UNC45A: variants seen among roughly 807,000 people sequenced by gnomAD.
The protein encoded by UNC45A is protein unc-45 homolog A.
UNC45A carries 78 observed loss-of-function variants against 103.2 expected under a neutral mutation model. The ratio of observed to expected loss-of-function variants is 0.76; its 90% CI spans 0.63 to 0.91. The LOEUF is 0.91. UNC45A is among the 40% of genes least tolerant of loss of function. The pLI is 0.00. For synonymous variants in UNC45A, 495 were observed against 504.6 expected, an observed-to-expected ratio of 0.98 and a Z score of 0.25; for missense variants, 1,193 against 1,224.8, an observed-to-expected ratio of 0.97 and a Z score of 0.39.
At chr15:90,932,621 G>A (rs186049463), upstream of UNC45A, 11 of 897,120 alleles carry the variant, frequency 1.2e-5, no homozygotes, top group East Asian at 3.3e-4. Flanking sequence ...GGGAGGCCCG[G>A]GGATCGTGGA....
At position 90,949,452 on chromosome 15, in the gene UNC45A, G is replaced by T. The variant is rs748517690; in HGVS notation, c.2006+9G>T. The T allele has an allele frequency of 3.1e-6, 5 of 1,613,334 alleles. No homozygotes were observed. The highest frequency in any genetic ancestry group is 4.2e-6 in the Non-Finnish European group (5 of 1,179,830). The stretch of plus-strand genomic sequence containing the variant: ...AGAGAGCTGCTCTCCAGGTGAGCCA[G>T]CCTTGGTAGGAGCCAACCTTTCCCA... On this transcript the variant is annotated intron_variant, in intron 14 of 19. Coordinates refer to ENST00000418476, the MANE Select transcript of UNC45A (RefSeq NM_018671.5).
In UNC45A at chr15:90,935,383, C is replaced by A. The variant is rs926576115; in HGVS notation, c.51+8C>A. On this transcript the variant is annotated splice_region_variant and intron_variant, in intron 1 of 19. Coordinates refer to ENST00000418476, the MANE Select transcript of UNC45A (RefSeq NM_018671.5). ...CGGCCGGCCACCCCCGGGGTGCGTA[C>A]CCAACCCCCGCGCCATCACCCCTTC... The A allele has an allele frequency of 1.0e-5, 16 of 1,590,912 alleles. No individual in the cohort carries two copies. The highest frequency in any genetic ancestry group is 1.4e-5 in the Non-Finnish European group (16 of 1,168,556).
chr15:90,932,429 C>A, upstream of UNC45A: 1 of 1,353,044 alleles, frequency 7.4e-7, no homozygotes, highest in East Asian at 2.9e-5. Flanking sequence ...ACGCGCCCAC[C>A]GATGGGGTGG....
intron 14 of UNC45A, 30 bp from the exon 15 acceptor site, chr15:90,949,624 T>C (rs916840903): frequency 1.2e-6 from 2 of 1,613,446 alleles, no homozygotes; most frequent in African/African-American, 1.3e-5. Context: ...GTCCCAGAGC[T>C]GCCTGCCCAC....
At chr15:90,933,259 C>T (rs1270339071), upstream of UNC45A, 3 of 152,282 alleles carry the variant, frequency 2.0e-5, no homozygotes, top group African/African-American at 4.8e-5. Context: ...ATTTCAGTCT[C>T]TAGGCATCTT....
intron 6 of UNC45A, among the ~76,000 whole-genome samples, chr15:90,941,325 G>T (rs904034375): frequency 6.6e-6 from 1 of 152,218 alleles, no homozygotes; most frequent in Non-Finnish European, 1.5e-5. Context: ...TCCTGGGCCA[G>T]TGTGGTGAAG....
chr15:90,934,923 G>C (rs1483736808), upstream of UNC45A: 1 of 440,378 alleles, frequency 2.3e-6, no homozygotes, highest in Non-Finnish European at 4.0e-6. Flanking sequence ...CCGGGATCCA[G>C]ATACTTTTTC....
At chr15:90,936,834 C>G (rs1384057112) in intron 4 of UNC45A, among the ~76,000 whole-genome samples, 2 of 152,156 alleles carry the variant, frequency 1.3e-5, no homozygotes, top group Non-Finnish European at 2.9e-5. Flanking sequence ...TGCTGTTTCT[C>G]TCAGAGAAAC....
rs997287628 is a variant in UNC45A at position 90,940,733 on chromosome 15, C to T, written c.687+260C>T. ...TTCAAGACCAGCCTGGCCAACAAGG[C>T]GAAACCCTGTCTCTACTAAAAATAA... On this transcript the variant is annotated intron_variant, in intron 6 of 19. Coordinates refer to ENST00000418476, the MANE Select transcript of UNC45A (RefSeq NM_018671.5). 4.6e-5 allele frequency: 11 copies of T among 241,004 alleles called. No homozygotes were observed. The East Asian group carries it at 7.3e-4, about 16-fold the overall frequency. The allele number at this position is 241,004 out of a possible 1,614,324, so 14.9% of individuals were successfully genotyped here. A position where few individuals can be genotyped will look rare whatever the true frequency, so the allele number is the denominator to read the frequency against.
chr15:90,946,527 G>C (rs2036576440), intron 9 of UNC45A, 87 bp from the exon 10 acceptor site: 1 of 1,425,548 alleles, frequency 7.0e-7, no homozygotes, highest in South Asian at 1.4e-5. Context: ...AAGTAGTGCA[G>C]GTGCCTGGCC....
upstream of UNC45A, chr15:90,931,226 C>A (rs1446474037): frequency 1.9e-6 from 3 of 1,545,772 alleles, no homozygotes; most frequent in South Asian, 1.2e-5. Flanking sequence ...GAATCCTGTC[C>A]GGCCTGAACG....
Position 90,948,237 on chromosome 15 carries a change from T to C in UNC45A, c.1691T>C (p.Phe564Ser), listed in dbSNP as rs1369751024. The stretch of plus-strand genomic sequence containing the variant: ...TTTGATGCCGACGTGAAGGAAGAGT[T>C]TGTGGAGGATGCGGCTGCTCTGAAA... ...LTFDADVKEE[F>S]VEDAAALKAL... is the part of the protein sequence containing the mutation. Residue 564 changes from phenylalanine to serine, a missense_variant, in exon 12 of 20, where the codon TTT (phenylalanine) becomes TCT (serine). Physicochemically the swap from Phe to Ser is radical, Grantham distance 155. Coordinates refer to ENST00000418476, the MANE Select transcript of UNC45A (RefSeq NM_018671.5). 6.2e-7 allele frequency: 1 copy of C among 1,613,904 alleles called. No homozygotes were observed. Among genetic ancestry groups the C allele is most frequent in the Non-Finnish European group, 8.5e-7 (1 of 1,179,960 alleles).
upstream of UNC45A, chr15:90,931,402 C>G (rs1351146262): frequency 6.3e-7 from 1 of 1,583,114 alleles, no homozygotes; most frequent in Non-Finnish European, 8.6e-7. Context: ...ATGTTCTGAC[C>G]ATCCTGCATA....
rs2036712202 is a variant in UNC45A at position 90,948,684 on chromosome 15, G to A, written c.1768G>A (p.Ala590Thr). The change falls in exon 13 of 20, where the codon GCC becomes ACC. Residue 590 changes from alanine to threonine, a missense_variant. Transcript: ENST00000418476. ...LEERSVLFAV[A>T]SALVNCTNSY... is the part of the protein sequence containing the mutation. ...GGAGAGGTCAGTGCTCTTTGCGGTG[G>A]CCTCAGCGCTGGTGAACTGCACCAA... 1 of 1,614,056 alleles carries A rather than the reference G, an allele frequency of 6.2e-7. No homozygotes were observed. Among genetic ancestry groups the A allele is most frequent in the Non-Finnish European group, 8.5e-7 (1 of 1,179,998 alleles).
chr15:90,950,607 G>C lies in UNC45A; in HGVS notation c.2295G>C (p.Glu765Asp), dbSNP rs773519566. Reference sequence around the variant, plus strand: ...TAACAAACCTGGCTGGGATCAGCGAGAGGCTCCGGTAAGGTCCCTTGGGAT... The same window carrying C: ...TAACAAACCTGGCTGGGATCAGCGACAGGCTCCGGTAAGGTCCCTTGGGAT... Reference protein sequence around the residue: ...MALTNLAGISERLRQKILKEK... With the variant: ...MALTNLAGISDRLRQKILKEK... Residue 765 changes from glutamate to aspartate, a missense_variant, in exon 17 of 20, where the codon GAG becomes GAC. Transcript: ENST00000418476. 1.2e-6 allele frequency: 2 copies of C among 1,614,152 alleles called. No individual in the cohort carries two copies. The highest frequency in any genetic ancestry group is 1.1e-5 in the South Asian group (1 of 91,074).
intron 16 of UNC45A, 104 bp downstream of exon 16, chr15:90,950,371 C>G: frequency 2.7e-6 from 4 of 1,472,106 alleles, no homozygotes; most frequent in Non-Finnish European, 3.7e-6. Flanking sequence ...TCAGCTTTGT[C>G]AAGGCCTGGG....
rs753445478 is a variant in UNC45A, at chr15:90,953,724, G to T, written c.*8G>T. The T allele has an allele frequency of 9.3e-6, 15 of 1,612,606 alleles. No homozygotes were observed. Among genetic ancestry groups the T allele is most frequent in the Non-Finnish European group, 9.3e-6 (11 of 1,179,284 alleles). On this transcript the variant is annotated 3_prime_UTR_variant, in exon 20 of 20. Transcript: ENST00000418476. ...AACCAAGATGGAGAGTGAGGGGGTT[G>T]TCCCTGGGCCCAAGGCTCATGCACA...
At chr15:90,932,607 G>GC, upstream of UNC45A, 1 of 986,762 alleles carries the variant, frequency 1.0e-6, no homozygotes, top group Non-Finnish European at 1.3e-6. Flanking sequence ...GCCCCCTGGC[G>GC]CCGGGGAGGC....
At position 90,939,703 on chromosome 15, in the gene UNC45A, T is replaced by A. The variant is rs370315346; in HGVS notation, c.427-28T>A. On this transcript the variant is annotated intron_variant, in intron 4 of 19. Transcript: ENST00000418476. ...GATGTCTCTGGCCAAGAGCCGTGATTTGTTCCATGCTTTGTTGGTTTGTCT... is the reference window on the plus strand; with the variant it reads ...GATGTCTCTGGCCAAGAGCCGTGATATGTTCCATGCTTTGTTGGTTTGTCT... The A allele has an allele frequency of 2.6e-5, 42 of 1,613,070 alleles. No homozygotes were observed. In the East Asian group the frequency reaches 2.7e-4, roughly 10 times the overall value.
Sources: allele counts gnomAD v4.1 joint callset (sites outside exome capture counted in the v4.1 genomes callset), GRCh38; gene constraint gnomAD v4.1.1; transcripts MANE v1.5; gene names NCBI Gene and HGNC (gene_info 2026-07-23, HGNC 2026-07-21).